SMG1: variants seen among roughly 807,000 people sequenced by gnomAD.
SMG1 encodes the protein serine/threonine-protein kinase SMG1.
SMG1 carries 22 observed loss-of-function variants against 419.9 expected under a neutral mutation model. The observed-to-expected ratio is 0.05, with a 90% CI of 0.04 to 0.07. The LOEUF is 0.07. Ranked by LOEUF, SMG1 falls within the 10% of genes least tolerant of loss-of-function variation. The probability of loss-of-function intolerance (pLI) is 1.00; values close to 1 mark genes in which losing one functional copy is unlikely to be tolerated. For synonymous variants in SMG1, 1,538 were observed against 1,553.5 expected, an observed-to-expected ratio of 0.99 and a Z score of 0.23; for missense variants, 3,185 against 4,342.0, an observed-to-expected ratio of 0.73 and a Z score of 7.49.
intron 4 of SMG1, among the ~76,000 whole-genome samples, chr16:18,891,712 G>C (rs530098283): frequency 2.0e-4 from 30 of 152,298 alleles, no homozygotes; most frequent in African/African-American, 7.0e-4. Flanking sequence ...GGGATTACAG[G>C]CATGAGCCAC....
chr16:18,829,777 TGTATTTCATG>T, intron 53 of SMG1, 22 bp from the exon 54 acceptor site: 1 of 1,571,498 alleles, frequency 6.4e-7, no homozygotes, highest in Non-Finnish European at 8.6e-7. Context: ...AAAAATTTCT[TGTATTTCATG>T]AAAAAAATCA....
chr16:18,890,522 C>A (rs2036828433), intron 5 of SMG1, among the ~76,000 whole-genome samples: 1 of 152,122 alleles, frequency 6.6e-6, no homozygotes, highest in South Asian at 2.1e-4. Context: ...TGGTGGTGCA[C>A]ACCTGTAGTC....
intron 1 of SMG1, 36 bp downstream of exon 1, chr16:18,925,914 G>T: frequency 2.7e-6 from 4 of 1,473,260 alleles, no homozygotes; most frequent in Non-Finnish European, 3.6e-6. Context: ...GGCGGAGCCC[G>T]GGAGGTCGGG....
At chr16:18,828,374 A>G (rs2032910862) in intron 54 of SMG1, among the ~76,000 whole-genome samples, 1 of 152,210 alleles carries the variant, frequency 6.6e-6, no homozygotes, top group South Asian at 2.1e-4. Context: ...AACATGGCTA[A>G]TAAATTTCTT....
chr16:18,907,302 G>GC (rs1261023576), intron 1 of SMG1, among the ~76,000 whole-genome samples: 20 of 151,820 alleles, frequency 1.3e-4, no homozygotes, highest in African/African-American at 4.8e-4. Flanking sequence ...AATCGTTTAT[G>GC]CCAACTAATT....
chr16:18,818,412 T>G (rs1040051196), intron 56 of SMG1, among the ~76,000 whole-genome samples: 1 of 151,660 alleles, frequency 6.6e-6, no homozygotes, highest in Admixed American at 6.6e-5. Flanking sequence ...ATTTTTTTTT[T>G]GGTAGAGACA....
chr16:18,893,040 A>G (rs2036953796), intron 3 of SMG1, among the ~76,000 whole-genome samples: 1 of 152,192 alleles, frequency 6.6e-6, no homozygotes, highest in Non-Finnish European at 1.5e-5. Context: ...AAATTAAACA[A>G]CTTCCAAGGG....
intron 1 of SMG1, among the ~76,000 whole-genome samples, chr16:18,912,140 C>T (rs1211294005): frequency 2.8e-5 from 4 of 144,310 alleles, no homozygotes; most frequent in Non-Finnish European, 6.0e-5. Context: ...GAATCTAAAA[C>T]ACACTGGTTC....
At position 18,809,444 on chromosome 16, in the gene SMG1, T is replaced by G. The variant is rs1328321041; in HGVS notation, c.*125A>C. ...TCCTAGTGCACCGAGATTTCCTAGG[T>G]TTCCTCAGAGTAAGCCCCCAGTTGC... On this transcript the variant is annotated 3_prime_UTR_variant, in exon 63 of 63. Transcript: ENST00000446231. 2.8e-6 allele frequency: 2 copies of G among 709,534 alleles called. No homozygotes were observed. Among genetic ancestry groups the G allele is most frequent in the Non-Finnish European group, 5.0e-6 (2 of 397,260 alleles). The allele number at this position is 709,534 out of a possible 1,614,324, so 44.0% of individuals were successfully genotyped here.
Position 18,817,487 on chromosome 16 carries a change from G to A in SMG1, c.9895-17C>T. 1 of 1,548,820 alleles carries A rather than the reference G, an allele frequency of 6.5e-7. No homozygotes were observed. The highest frequency in any genetic ancestry group is 8.7e-7 in the Non-Finnish European group (1 of 1,144,114). On this transcript the variant is annotated splice_polypyrimidine_tract_variant and intron_variant, in intron 56 of 62. Transcript: ENST00000446231. ...AAATGTGACCTGTAAAGACAGAAAT[G>A]GAACCACAAGAGGAGATGGGAGGAA...
At chr16:18,899,837 G>A in intron 1 of SMG1, 1 of 594,190 alleles carries the variant, frequency 1.7e-6, no homozygotes, top group South Asian at 2.1e-5. Flanking sequence ...TCCTAGCAAT[G>A]ATCCAAAAAT....
chr16:18,867,478 C>T (rs1425779393), intron 22 of SMG1, among the ~76,000 whole-genome samples: 1 of 151,202 alleles, frequency 6.6e-6, no homozygotes, highest in Non-Finnish European at 1.5e-5. Flanking sequence ...GAGCCGAGAT[C>T]GCACAACTGC....
chr16:18,866,312 G>C (rs1260949578), intron 23 of SMG1: 9 of 402,968 alleles, frequency 2.2e-5, no homozygotes, highest in Non-Finnish European at 4.2e-5. Flanking sequence ...ACAATAAAGG[G>C]TAATTTGTAT....
rs905872563 is a variant in SMG1 at position 18,880,667 on chromosome 16, A to G, written c.1294-948T>C. ...GAGGTCAAGGCTGCAGTGAGCCAAG[A>G]TCGTGCCACTGCACTCCAGCGTGGG... On this transcript the variant is annotated intron_variant, in intron 10 of 62. Transcript: ENST00000446231. 1.3e-4 allele frequency among the ~76,000 whole-genome samples: 17 copies of G among 134,526 alleles called. No homozygotes were observed. In the Admixed American group the frequency reaches 1.4e-3, roughly 11 times the overall value. 88.3% of individuals were successfully genotyped at this position (134,526 alleles called of 152,430 possible).
At position 18,834,563 on chromosome 16, in the gene SMG1, G is replaced by A. The variant is rs1567337530; in HGVS notation, c.8331-125C>T. On this transcript the variant is annotated intron_variant, in intron 49 of 62. Coordinates refer to ENST00000446231, the MANE Select transcript of SMG1 (RefSeq NM_015092.5). ...AGGCCGAGGCAGGTAGATGACTTCA[G>A]GCCAGGAGTTCGAGACCAGCCTGAT... 6.8e-6 allele frequency: 6 copies of A among 878,742 alleles called. 1 individual carries two copies. The highest frequency in any genetic ancestry group is 5.5e-4 in the Middle Eastern group (2 of 3,612). 54.4% of individuals were successfully genotyped at this position (878,742 alleles called of 1,614,324 possible).
Position 18,850,719 on chromosome 16 carries a change from T to G in SMG1, c.5053-252A>C, listed in dbSNP as rs541143788. 2.0e-5 allele frequency among the ~76,000 whole-genome samples: 3 copies of G among 152,312 alleles called. No individual in the cohort carries two copies. In the East Asian group the frequency reaches 5.8e-4, roughly 29 times the overall value. The stretch of plus-strand genomic sequence containing the variant: ...TTCTGGGGTTTCGTTGTACTTTAAA[T>G]GCTTCCAAGTTACAATACAGTATTC... On this transcript the variant is annotated intron_variant, in intron 33 of 62. Coordinates refer to ENST00000446231, the MANE Select transcript of SMG1 (RefSeq NM_015092.5).
In SMG1 at chr16:18,895,563, A is replaced by G. The variant is rs532902243; in HGVS notation, c.412+489T>C. Among the ~76,000 whole-genome samples the G allele has an allele frequency of 1.1e-4, 16 of 152,060 alleles. No homozygotes were observed. In the South Asian group the frequency reaches 3.3e-3, roughly 32 times the overall value. ...CAGGGGGAAGGAGAGCATCAGCAAG[A>G]ATAGCTTAATGGATGGTGGGTTTAA... On this transcript the variant is annotated intron_variant, in intron 3 of 62. Coordinates refer to ENST00000446231, the MANE Select transcript of SMG1 (RefSeq NM_015092.5).
chr16:18,880,324 G>T (rs2036325411), intron 10 of SMG1, among the ~76,000 whole-genome samples: 2 of 151,866 alleles, frequency 1.3e-5, no homozygotes, highest in South Asian at 4.2e-4. Flanking sequence ...ATAAAATAGG[G>T]GAGAAAACAG....
rs544354536 is a variant in SMG1 at position 18,847,725 on chromosome 16, A to G, written c.5841+91T>C. The G allele has an allele frequency of 1.2e-5, 19 of 1,569,480 alleles. No homozygotes were observed. The African/African-American group carries it at 2.4e-4, about 20-fold the overall frequency. ...TTGGTGCTCATTATACAATTGGAGA[A>G]CCCTGACCAGTGATTGTCAATACAG... On this transcript the variant is annotated intron_variant, in intron 37 of 62. Coordinates refer to ENST00000446231, the MANE Select transcript of SMG1 (RefSeq NM_015092.5).
Sources: gnomAD v4.1 joint callset for allele counts (sites outside exome capture counted in the v4.1 genomes callset) on GRCh38, gnomAD v4.1.1 for gene constraint, MANE v1.5 for transcripts, NCBI Gene and HGNC (gene_info 2026-07-23, HGNC 2026-07-21) for gene names.